KIF21A: variants seen among roughly 807,000 people sequenced by gnomAD.
The protein encoded by KIF21A is kinesin family member 21A.
A neutral mutation model predicts 202.9 loss-of-function variants in KIF21A; 114 were observed. The ratio of observed to expected loss-of-function variants is 0.56; its 90% CI spans 0.48 to 0.66. The LOEUF is 0.66. Among genes scored for constraint, KIF21A ranks in the 30% least tolerant of loss-of-function variants. The pLI is 0.00. For synonymous variants in KIF21A, 667 were observed against 670.8 expected, an observed-to-expected ratio of 0.99 and a Z score of 0.09; for missense variants, 1,677 against 1,994.9, an observed-to-expected ratio of 0.84 and a Z score of 3.04.
intron 1 of KIF21A, among the ~76,000 whole-genome samples, chr12:39,405,099 C>T (rs910138436): frequency 5.9e-5 from 9 of 152,074 alleles, no homozygotes; most frequent in African/African-American, 2.2e-4. Flanking sequence ...TGCATATAAT[C>T]CTAGCACTTT....
intron 1 of KIF21A, among the ~76,000 whole-genome samples, chr12:39,440,716 T>C (rs1939445346): frequency 6.6e-6 from 1 of 152,226 alleles, no homozygotes; most frequent in African/African-American, 2.4e-5. Flanking sequence ...CAGAGAACAA[T>C]GTATTTAATG....
At chr12:39,388,789 T>C (rs990651072) in intron 1 of KIF21A, among the ~76,000 whole-genome samples, 34 of 152,210 alleles carry the variant, frequency 2.2e-4, no homozygotes, top group African/African-American at 8.2e-4. Context: ...TTAATTTAGA[T>C]TGTGATTCAC....
Position 39,297,485 on chromosome 12 carries a change from G to A in KIF21A, c.4932-2968C>T, listed in dbSNP as rs867790720. Among the ~76,000 whole-genome samples, 3 of 148,242 alleles carry A rather than the reference G, an allele frequency of 2.0e-5. No individual in the cohort carries two copies. The South Asian group carries it at 6.4e-4, about 32-fold the overall frequency. Reference sequence around the variant, plus strand: ...CATCATTCTCAGTAAACTATTGCAAGAACAAAAAACCAAACACCGCATATT... The same window carrying A: ...CATCATTCTCAGTAAACTATTGCAAAAACAAAAAACCAAACACCGCATATT... On this transcript the variant is annotated intron_variant, in intron 37 of 37. Coordinates refer to ENST00000361418, the MANE Select transcript of KIF21A (RefSeq NM_001173464.2).
chr12:39,331,880 T>C, intron 21 of KIF21A, 89 bp from the exon 22 acceptor site: 3 of 999,626 alleles, frequency 3.0e-6, no homozygotes, highest in Non-Finnish European at 4.8e-6. Flanking sequence ...TATTTCCTAG[T>C]ATTGGGTTAG....
chr12:39,335,098 G>A (rs1016671545), intron 17 of KIF21A, among the ~76,000 whole-genome samples: 1 of 152,072 alleles, frequency 6.6e-6, no homozygotes, highest in African/African-American at 2.4e-5. Context: ...GTTATAACAT[G>A]GCTGAACCTT....
chr12:39,323,706 G>A (rs562763820), intron 26 of KIF21A, among the ~76,000 whole-genome samples: 12 of 152,258 alleles, frequency 7.9e-5, no homozygotes, highest in South Asian at 2.1e-4. Context: ...CTCCAGAAAG[G>A]AGCAAACTTG....
chr12:39,327,814 A>G (rs1345371425), intron 24 of KIF21A, among the ~76,000 whole-genome samples: 1 of 152,172 alleles, frequency 6.6e-6, no homozygotes, highest in Non-Finnish European at 1.5e-5. Flanking sequence ...CAACTCTGAG[A>G]ACACAACTCT....
At position 39,370,118 on chromosome 12, in the gene KIF21A, T is replaced by C; in HGVS notation, c.188A>G (p.Gln63Arg). ...YVFDIDSQQEQIYIQCIEKLI... is the reference protein window; with the variant it reads ...YVFDIDSQQERIYIQCIEKLI... ...TTTTTCTATACATTGAATGTAGATC[T>C]GCTCTTGCTGGGAGTCAATGTCAAA... Residue 63 changes from glutamine to arginine, a missense_variant, in exon 2 of 38, where the codon CAG becomes CGG. Transcript: ENST00000361418. 1.2e-6 allele frequency: 2 copies of C among 1,613,638 alleles called. No homozygotes were observed. Among genetic ancestry groups the C allele is most frequent in the Middle Eastern group, 1.7e-4 (1 of 6,056 alleles).
At chr12:39,418,764 C>A (rs1953994497) in intron 1 of KIF21A, among the ~76,000 whole-genome samples, 1 of 152,138 alleles carries the variant, frequency 6.6e-6, no homozygotes. Context: ...TAAGAACACC[C>A]ACAAATTACC....
At position 39,340,169 on chromosome 12, in the gene KIF21A, G is replaced by A. The variant is rs1009420903; in HGVS notation, c.2306C>T (p.Thr769Ile). ...LQQDVMEMKK[T>I]KVRLMKQMKE... ...ATGGAAAAAAATAATCAATACCTTT[G>A]TTTTTTTCATTTCCATCACATCCTG... The change falls in exon 16 of 38, where the codon ACA becomes ATA. Residue 769 changes from threonine to isoleucine, a missense_variant. Physicochemically the swap from Thr to Ile is moderately conservative, Grantham distance 89. Transcript: ENST00000361418. The A allele has an allele frequency of 1.2e-6, 2 of 1,609,688 alleles. No homozygotes were observed. Among genetic ancestry groups the A allele is most frequent in the Non-Finnish European group, 1.7e-6 (2 of 1,177,196 alleles).
intron 5 of KIF21A, 118 bp downstream of exon 5, chr12:39,366,912 A>T: frequency 9.9e-7 from 1 of 1,009,978 alleles, no homozygotes; most frequent in Non-Finnish European, 1.5e-6. Context: ...CAGAAAAGGA[A>T]ATTAGAAAAA....
At chr12:39,394,783 T>G (rs771261739) in intron 1 of KIF21A, among the ~76,000 whole-genome samples, 5 of 152,200 alleles carry the variant, frequency 3.3e-5, no homozygotes, top group Non-Finnish European at 5.9e-5. Flanking sequence ...TAGTTACAGC[T>G]CTGAAATCTT....
chr12:39,368,085 G>T, intron 3 of KIF21A, 53 bp from the exon 4 acceptor site: 1 of 1,123,330 alleles, frequency 8.9e-7, no homozygotes, highest in East Asian at 2.4e-5. Context: ...CTGGGTAGTT[G>T]TCATAACAAC....
intron 13 of KIF21A, 107 bp from the exon 14 acceptor site, chr12:39,341,729 CA>C: frequency 8.4e-7 from 1 of 1,193,440 alleles, no homozygotes. Flanking sequence ...TAAAAAAATT[CA>C]CTTGTCATCA....
At chr12:39,422,434 T>A (rs1954377549) in intron 1 of KIF21A, among the ~76,000 whole-genome samples, 1 of 152,246 alleles carries the variant, frequency 6.6e-6, no homozygotes, top group South Asian at 2.1e-4. Context: ...ATGATAAGAC[T>A]ACAATCCTTG....
intron 1 of KIF21A, among the ~76,000 whole-genome samples, chr12:39,382,759 C>T (rs199738213): frequency 9.3e-5 from 14 of 150,868 alleles, no homozygotes; most frequent in Non-Finnish European, 2.1e-4. Flanking sequence ...ACCCCCCTCC[C>T]AAAAAAACAA....
chr12:39,386,961 A>C (rs2139560578), intron 1 of KIF21A, among the ~76,000 whole-genome samples: 1 of 152,186 alleles, frequency 6.6e-6, no homozygotes, highest in Non-Finnish European at 1.5e-5. Flanking sequence ...TAAAGGTATT[A>C]CCTTCTCACC....
intron 1 of KIF21A, among the ~76,000 whole-genome samples, chr12:39,421,225 C>T (rs574146220): frequency 2.6e-4 from 40 of 152,272 alleles, no homozygotes; most frequent in African/African-American, 6.7e-4. Flanking sequence ...AGGAGCAATA[C>T]GCTCTATCAT....
At chr12:39,379,842 C>T (rs1950501887) in intron 1 of KIF21A, among the ~76,000 whole-genome samples, 1 of 152,198 alleles carries the variant, frequency 6.6e-6, no homozygotes, top group Admixed American at 6.5e-5. Flanking sequence ...TCTCTTGTCG[C>T]CTCCCTTGAG....
Sources: gnomAD v4.1 joint callset for allele counts (sites outside exome capture counted in the v4.1 genomes callset) on GRCh38, gnomAD v4.1.1 for gene constraint, MANE v1.5 for transcripts, NCBI Gene and HGNC (gene_info 2026-07-23, HGNC 2026-07-21) for gene names.